Variants in TSC22D1 observed in about 807,000 individuals in gnomAD.
TSC22D1 encodes the protein TSC22 domain family protein 1.
A neutral mutation model predicts 74.2 loss-of-function variants in TSC22D1; 9 were observed. The observed-to-expected ratio is 0.12, with a 90% CI of 0.07 to 0.21. The LOEUF is 0.21. Ranked by LOEUF, TSC22D1 falls within the 10% of genes least tolerant of loss-of-function variation. TSC22D1 has a pLI of 1.00. For missense variants in TSC22D1, 1,427 were observed against 1,304.7 expected, an observed-to-expected ratio of 1.09 and a Z score of -1.44; for synonymous variants, 586 against 492.5, an observed-to-expected ratio of 1.19 and a Z score of -2.51.
chr13:44,509,513 G>A (rs376542309), intron 1 of TSC22D1, among the ~76,000 whole-genome samples: 6 of 152,256 alleles, frequency 3.9e-5, no homozygotes, highest in Admixed American at 6.5e-5. Flanking sequence ...GGTGGCGGGC[G>A]CCTGTAGTCC....
chr13:44,538,909 T>C (rs1046808), intron 1 of TSC22D1: 1 of 985,324 alleles, frequency 1.0e-6, no homozygotes, highest in Middle Eastern at 5.2e-4. Context: ...AAAGAACAAA[T>C]AAACCAGTCT....
intron 1 of TSC22D1, among the ~76,000 whole-genome samples, chr13:44,550,947 A>T (rs185857944): frequency 5.3e-5 from 8 of 152,010 alleles, no homozygotes; most frequent in Admixed American, 2.6e-4. Context: ...CTCAAAAAAA[A>T]AAAATAAAAA....
At chr13:44,517,335 C>CACA (rs549861266) in intron 1 of TSC22D1, among the ~76,000 whole-genome samples, 2 of 141,542 alleles carry the variant, frequency 1.4e-5, no homozygotes, top group Non-Finnish European at 3.0e-5. Flanking sequence ...AAAAACAAAA[C>CACA]ACACACACAC....
intron 1 of TSC22D1, among the ~76,000 whole-genome samples, chr13:44,481,187 A>T (rs904831976): frequency 6.6e-6 from 1 of 152,220 alleles, no homozygotes; most frequent in Admixed American, 6.5e-5. Context: ...AGATACAGAG[A>T]GATCAAATGA....
chr13:44,571,219 G>T (rs9590837), intron 1 of TSC22D1, among the ~76,000 whole-genome samples: 16,638 of 152,172 alleles, frequency 0.11, 979 homozygotes, highest in Non-Finnish European at 0.12. Context: ...TTGTATTAGA[G>T]CTATATTTCC....
chr13:44,568,614 G>A (rs1184476695), intron 1 of TSC22D1, among the ~76,000 whole-genome samples: 1 of 152,162 alleles, frequency 6.6e-6, no homozygotes, highest in Admixed American at 6.5e-5. Flanking sequence ...TGGAATTATA[G>A]GCGTGAGCCA....
At chr13:44,540,395 T>C (rs1451238177) in intron 1 of TSC22D1, among the ~76,000 whole-genome samples, 2 of 152,164 alleles carry the variant, frequency 1.3e-5, no homozygotes, top group Non-Finnish European at 2.9e-5. Context: ...TCTAAGAAGC[T>C]GAATTTCTTC....
At chr13:44,442,791 T>C (rs1257322048) in intron 1 of TSC22D1, among the ~76,000 whole-genome samples, 1 of 151,262 alleles carries the variant, frequency 6.6e-6, no homozygotes, top group Non-Finnish European at 1.5e-5. Context: ...GGCACACACC[T>C]GTAATTCCAG....
chr13:44,445,087 A>C (rs946242070), intron 1 of TSC22D1, among the ~76,000 whole-genome samples: 2 of 152,212 alleles, frequency 1.3e-5, no homozygotes, highest in African/African-American at 4.8e-5. Context: ...GCATTCCCTA[A>C]ACACTAAAGC....
chr13:44,456,001 G>A (rs1876580847), intron 1 of TSC22D1, among the ~76,000 whole-genome samples: 1 of 152,166 alleles, frequency 6.6e-6, no homozygotes, highest in Admixed American at 6.5e-5. Context: ...AAAGTACAAG[G>A]TGCAGACAAC....
chr13:44,513,704 G>A (rs910186703), intron 1 of TSC22D1, among the ~76,000 whole-genome samples: 3 of 152,166 alleles, frequency 2.0e-5, no homozygotes, highest in East Asian at 3.8e-4. Flanking sequence ...CTAACAACAG[G>A]AGACATATCC....
Position 44,575,088 on chromosome 13 carries a change from T to G in TSC22D1, c.987A>C (p.Thr329=). The change falls in exon 1 of 3, where the codon ACA becomes ACC. Residue 329 remains threonine (T), a synonymous_variant. Coordinates refer to ENST00000458659, the MANE Select transcript of TSC22D1 (RefSeq NM_183422.4). ...TAVGSFNPNV[T]SSMLGNVNIS... ...TATTAACATTACCAAGCATGCTGCT[T>G]GTCACATTAGGATTAAAACTACCCA... 6.2e-7 allele frequency: 1 copy of G among 1,614,200 alleles called. No homozygotes were observed. The highest frequency in any genetic ancestry group is 8.5e-7 in the Non-Finnish European group (1 of 1,180,042).
chr13:44,529,148 ATC>A (rs1880699870), intron 1 of TSC22D1, among the ~76,000 whole-genome samples: 1 of 152,092 alleles, frequency 6.6e-6, no homozygotes, highest in Non-Finnish European at 1.5e-5. Context: ...TTACAGACTA[ATC>A]TCTCATTAAT....
intron 1 of TSC22D1, among the ~76,000 whole-genome samples, chr13:44,512,174 T>G (rs894881904): frequency 6.6e-5 from 10 of 152,098 alleles, no homozygotes; most frequent in Middle Eastern, 3.4e-3. Context: ...TGTTTTCTTT[T>G]TTTGTTTGTT....
At chr13:44,492,705 C>T (rs1470710977) in intron 1 of TSC22D1, among the ~76,000 whole-genome samples, 1 of 152,104 alleles carries the variant, frequency 6.6e-6, no homozygotes, top group Non-Finnish European at 1.5e-5. Context: ...GAGGATGGGG[C>T]TGGGAGGAAT....
At chr13:44,441,538 C>T (rs1875207250) in intron 1 of TSC22D1, among the ~76,000 whole-genome samples, 2 of 151,920 alleles carry the variant, frequency 1.3e-5, no homozygotes, top group Admixed American at 1.3e-4. Flanking sequence ...ACTGCTAAAT[C>T]CTAATCTACT....
rs188366273 is a variant in TSC22D1, at chr13:44,468,678, C to T, written c.2913-32583G>A. On this transcript the variant is annotated intron_variant, in intron 1 of 2. Coordinates refer to ENST00000458659, the MANE Select transcript of TSC22D1 (RefSeq NM_183422.4). ...CGCTATACTATGGGAATGTTCAAGT[C>T]GCTTTAGCCATTTCACTCTTTGAAA... 9.1e-4 allele frequency among the ~76,000 whole-genome samples: 137 copies of T among 149,922 alleles called. 4 individuals are homozygous for T. Among genetic ancestry groups the T allele is most frequent in the African/African-American group, 3.1e-3 (130 of 41,312 alleles).
chr13:44,511,204 G>A (rs1879697801), intron 1 of TSC22D1, among the ~76,000 whole-genome samples: 1 of 152,092 alleles, frequency 6.6e-6, no homozygotes, highest in African/African-American at 2.4e-5. Flanking sequence ...AGGATTGCTT[G>A]AGCCCGGGAG....
At position 44,514,866 on chromosome 13, in the gene TSC22D1, A is replaced by G. The variant is rs572321636; in HGVS notation, c.2912+58297T>C. On this transcript the variant is annotated intron_variant, in intron 1 of 2. Coordinates refer to ENST00000458659, the MANE Select transcript of TSC22D1 (RefSeq NM_183422.4). ...CAGAACAAGATCCTGTCTCAAAGAAAAAAATAAATAAATAAAAGAAGTTTA... is the reference window on the plus strand; with the variant it reads ...CAGAACAAGATCCTGTCTCAAAGAAGAAAATAAATAAATAAAAGAAGTTTA... 3.3e-5 allele frequency among the ~76,000 whole-genome samples: 5 copies of G among 152,324 alleles called. No homozygotes were observed. The South Asian group carries it at 1.0e-3, about 32-fold the overall frequency.
Sources: allele counts gnomAD v4.1 joint callset (sites outside exome capture counted in the v4.1 genomes callset), GRCh38; gene constraint gnomAD v4.1.1; transcripts MANE v1.5; gene names NCBI Gene and HGNC (gene_info 2026-07-23, HGNC 2026-07-21).